Variants in KCNT2 observed in about 807,000 individuals in gnomAD.
KCNT2 encodes the protein potassium sodium-activated channel subfamily T member 2.
KCNT2 carries 67 observed loss-of-function variants against 153.8 expected under a neutral mutation model. That is an observed-to-expected ratio of 0.44 (90% CI 0.36 to 0.53). The LOEUF (loss-of-function observed/expected upper bound fraction) is 0.53. KCNT2 is among the 20% of genes least tolerant of loss of function. KCNT2 has a pLI of 0.00. For missense variants in KCNT2, 975 were observed against 1,354.8 expected (o/e 0.72, Z 4.40); for synonymous variants, 500 against 458.8 (o/e 1.09, Z -1.15).
At chr1:196,326,937 A>T (rs750868071) in intron 18 of KCNT2, 48 bp from the exon 19 acceptor site, 6 of 1,051,538 alleles carry the variant, frequency 5.7e-6, no homozygotes, top group South Asian at 3.2e-5. Context: ...ATACTTCATT[A>T]AAATTTGGAG....
At chr1:196,563,726 A>G (rs1410920504) in intron 1 of KCNT2, among the ~76,000 whole-genome samples, 1 of 151,960 alleles carries the variant, frequency 6.6e-6, no homozygotes, top group Non-Finnish European at 1.5e-5. Flanking sequence ...CAAATCAAAA[A>G]CTGTGATACA....
intron 1 of KCNT2, among the ~76,000 whole-genome samples, chr1:196,603,877 C>T (rs1384692454): frequency 6.6e-6 from 1 of 152,180 alleles, no homozygotes; most frequent in Non-Finnish European, 1.5e-5. Flanking sequence ...CATGATGAAA[C>T]AGGAGAAGAC....
chr1:196,491,683 T>C (rs1199520849), intron 2 of KCNT2, among the ~76,000 whole-genome samples: 1 of 151,992 alleles, frequency 6.6e-6, no homozygotes, highest in African/African-American at 2.4e-5. Flanking sequence ...ATTCTTGAAG[T>C]TCTACTTTGT....
At chr1:196,475,194 A>G (rs754844611) in intron 5 of KCNT2, among the ~76,000 whole-genome samples, 10 of 152,238 alleles carry the variant, frequency 6.6e-5, no homozygotes, top group Non-Finnish European at 1.3e-4. Context: ...AGAAAGTTAT[A>G]TATGGATTTG....
At chr1:196,278,066 C>T (rs1308492974) in intron 25 of KCNT2, among the ~76,000 whole-genome samples, 1 of 152,034 alleles carries the variant, frequency 6.6e-6, no homozygotes, top group South Asian at 2.1e-4. Context: ...AAATAATATA[C>T]TCATTCTTTT....
At chr1:196,433,951 G>A (rs1674387370) in intron 8 of KCNT2, among the ~76,000 whole-genome samples, 2 of 151,998 alleles carry the variant, frequency 1.3e-5, no homozygotes, top group Non-Finnish European at 1.5e-5. Flanking sequence ...TGTTGTGTGT[G>A]TTTATTTGCT....
intron 8 of KCNT2, among the ~76,000 whole-genome samples, chr1:196,459,068 T>C (rs140563629): frequency 1.7e-4 from 26 of 151,956 alleles, no homozygotes; most frequent in Non-Finnish European, 2.9e-4. Flanking sequence ...CCATGAAACA[T>C]ACGATCATTT....
At chr1:196,541,218 C>T (rs1041945142) in intron 1 of KCNT2, among the ~76,000 whole-genome samples, 16 of 151,276 alleles carry the variant, frequency 1.1e-4, no homozygotes, top group South Asian at 2.1e-4. Context: ...ATAGAATATA[C>T]GAAACCAAAG....
chr1:196,472,372 C>T (rs1238876479), intron 5 of KCNT2, among the ~76,000 whole-genome samples: 1 of 152,164 alleles, frequency 6.6e-6, no homozygotes, highest in Non-Finnish European at 1.5e-5. Context: ...AAACTTGTAA[C>T]TGCTGAGCCA....
intron 22 of KCNT2, among the ~76,000 whole-genome samples, chr1:196,301,671 A>G (rs1661195251): frequency 6.6e-6 from 1 of 152,200 alleles, no homozygotes; most frequent in African/African-American, 2.4e-5. Flanking sequence ...AACATGAATG[A>G]AGACCACTTA....
chr1:196,300,411 G>A (rs911275072), intron 22 of KCNT2, among the ~76,000 whole-genome samples: 3 of 152,166 alleles, frequency 2.0e-5, no homozygotes, highest in Non-Finnish European at 2.9e-5. Flanking sequence ...AATAGCAGCA[G>A]CAGGATGGAC....
At chr1:196,567,670 C>T (rs978035126) in intron 1 of KCNT2, among the ~76,000 whole-genome samples, 1 of 152,134 alleles carries the variant, frequency 6.6e-6, no homozygotes, top group Non-Finnish European at 1.5e-5. Context: ...GTGATGGCTT[C>T]TGTCACATCC....
chr1:196,547,247 T>TA lies in KCNT2; in HGVS notation c.96-54907dup, dbSNP rs765239256. On this transcript the variant is annotated intron_variant, in intron 1 of 27. Coordinates refer to ENST00000294725, the MANE Select transcript of KCNT2 (RefSeq NM_198503.5). ...GGTGGGAGATACTGTTGCTAAGTAC[T>TA]ATTAGTGAGACAATTATACCCCTAA... 1.1e-4 allele frequency among the ~76,000 whole-genome samples: 16 copies of TA among 152,084 alleles called. 1 individual carries two copies. Among genetic ancestry groups the TA allele is most frequent in the Non-Finnish European group, 7.4e-5 (5 of 67,920 alleles).
At chr1:196,545,723 A>ACCCC (rs1162224207) in intron 1 of KCNT2, among the ~76,000 whole-genome samples, 3 of 39,262 alleles carry the variant, frequency 7.6e-5, no homozygotes, top group African/African-American at 1.0e-4. Flanking sequence ...CATCCCACCC[A>ACCCC]CCCCCCCAGC....
chr1:196,241,468 C>A (rs576442199), intron 26 of KCNT2, among the ~76,000 whole-genome samples: 1 of 151,912 alleles, frequency 6.6e-6, no homozygotes, highest in African/African-American at 2.4e-5. Flanking sequence ...ACTGAACTGA[C>A]CAGTATATTT....
At position 196,340,196 on chromosome 1, in the gene KCNT2, T is replaced by C. The variant is rs1036664532; in HGVS notation, c.1783+145A>G. 3.0e-5 allele frequency: 17 copies of C among 568,570 alleles called. 1 individual carries two copies. The highest frequency in any genetic ancestry group is 3.0e-5 in the Non-Finnish European group (10 of 330,914). 35.2% of individuals were successfully genotyped at this position (568,570 alleles called of 1,614,324 possible). On this transcript the variant is annotated intron_variant, in intron 16 of 27. Coordinates refer to ENST00000294725, the MANE Select transcript of KCNT2 (RefSeq NM_198503.5). ...TTCACAACTTAGAACTGTTGTCCTGTATACCTAGTCATACCTAGTTTGTAA... is the reference window on the plus strand; with the variant it reads ...TTCACAACTTAGAACTGTTGTCCTGCATACCTAGTCATACCTAGTTTGTAA...
chr1:196,502,326 C>T (rs1255518832), intron 1 of KCNT2, among the ~76,000 whole-genome samples: 1 of 152,082 alleles, frequency 6.6e-6, no homozygotes, highest in Non-Finnish European at 1.5e-5. Context: ...AGTAACATTG[C>T]ATAATGAAGG....
At chr1:196,587,955 A>AATTTTTTTT (rs1662888447) in intron 1 of KCNT2, among the ~76,000 whole-genome samples, 2 of 152,088 alleles carry the variant, frequency 1.3e-5, no homozygotes, top group African/African-American at 4.8e-5. Context: ...CAAAAATGGT[A>AATTTTTTTT]GCACTTGCTG....
intron 12 of KCNT2, among the ~76,000 whole-genome samples, chr1:196,418,008 C>T (rs1001147120): frequency 6.6e-6 from 1 of 152,152 alleles, no homozygotes; most frequent in Admixed American, 6.6e-5. Context: ...AATCAATCTT[C>T]AGTGTTCACA....
Sources: allele counts gnomAD v4.1 joint callset (sites outside exome capture counted in the v4.1 genomes callset), GRCh38; gene constraint gnomAD v4.1.1; transcripts MANE v1.5; gene names NCBI Gene and HGNC (gene_info 2026-07-23, HGNC 2026-07-21).